SRSF1: variants seen among roughly 807,000 people sequenced by gnomAD.
SRSF1 encodes serine and arginine rich splicing factor 1.
A neutral mutation model predicts 25.9 loss-of-function variants in SRSF1; 1 was observed. That is an observed-to-expected ratio of 0.04 (90% confidence interval 0.01 to 0.18). SRSF1 has a LOEUF of 0.18. Among genes scored for constraint, SRSF1 ranks in the 10% least tolerant of loss-of-function variants. The probability of loss-of-function intolerance (pLI) is 1.00; values close to 1 mark genes in which losing one functional copy is unlikely to be tolerated. For synonymous variants in SRSF1, 132 were observed against 126.2 expected (o/e 1.05, Z -0.31); for missense variants, 65 against 350.5 (o/e 0.19, Z 6.50).
chr17:58,004,784 C>T lies in SRSF1; in HGVS notation c.*622G>A. ...AATTGCCAAGGTTTAAAAAGCAAAG[C>T]AATTGTAGCTAAAGACAACTGAATA... On this transcript the variant is annotated 3_prime_UTR_variant, in exon 4 of 4. Coordinates refer to ENST00000258962, the MANE Select transcript of SRSF1 (RefSeq NM_006924.5). 2.5e-6 allele frequency: 1 copy of T among 393,730 alleles called. No individual in the cohort carries two copies. The highest frequency in any genetic ancestry group is 4.5e-6 in the Non-Finnish European group (1 of 223,280). 24.4% of individuals were successfully genotyped at this position (393,730 alleles called of 1,614,324 possible).
Position 58,005,075 on chromosome 17 carries a change from T to TA in SRSF1, c.*330dup, listed in dbSNP as rs2075417647. 2.2e-6 allele frequency: 1 copy of TA among 455,730 alleles called. No homozygotes were observed. The highest frequency in any genetic ancestry group is 3.8e-5 in the Admixed American group (1 of 26,362). 28.2% of individuals were successfully genotyped at this position (455,730 alleles called of 1,614,324 possible). A position where few individuals can be genotyped will look rare whatever the true frequency, so the allele number is the denominator to read the frequency against. On this transcript the variant is annotated 3_prime_UTR_variant, in exon 4 of 4. Transcript: ENST00000258962. The surrounding 1 kb of genome is among the most constrained non-coding windows in gnomAD (Gnocchi z 5.2). ...AGACACATGAAAAGCAAGATAAACA[T>TA]AAGAACTTCCCCAGGTAAGATAACC...
chr17:58,002,527 T>C lies in SRSF1; in HGVS notation c.*2879A>G, dbSNP rs1359069560. 6.6e-6 allele frequency among the ~76,000 whole-genome samples: 1 copy of C among 152,206 alleles called. No homozygotes were observed. The highest frequency in any genetic ancestry group is 1.5e-5 in the Non-Finnish European group (1 of 68,030). On this transcript the variant is annotated 3_prime_UTR_variant, in exon 4 of 4. Transcript: ENST00000258962. Reference sequence around the variant, plus strand: ...GCTGTCAGTAGACAAATACAAGAAGTAGCAGGCTAAAAGTTTTTAACTGCT... The same window carrying C: ...GCTGTCAGTAGACAAATACAAGAAGCAGCAGGCTAAAAGTTTTTAACTGCT...
At chr17:58,006,804 C>T in intron 1 of SRSF1, 140 bp downstream of exon 1, 1 of 1,093,250 alleles carries the variant, frequency 9.1e-7, no homozygotes, top group Non-Finnish European at 1.3e-6. Context: ...GCTCCTTACT[C>T]GACTCCTGCA....
downstream of SRSF1, among the ~76,000 whole-genome samples, chr17:58,000,144 G>C (rs2075380739): frequency 6.6e-6 from 1 of 152,110 alleles, no homozygotes; most frequent in African/African-American, 2.4e-5. Context: ...GAAGCACGGA[G>C]TGATTTTTAT....
downstream of SRSF1, among the ~76,000 whole-genome samples, chr17:57,996,616 A>G (rs1023653493): frequency 6.6e-6 from 1 of 152,038 alleles, no homozygotes; most frequent in Non-Finnish European, 1.5e-5. Context: ...TTTTTAAAAC[A>G]TGAAGAAAAG....
At chr17:57,997,003 C>A (rs912437349), downstream of SRSF1, among the ~76,000 whole-genome samples, 1 of 152,244 alleles carries the variant, frequency 6.6e-6, no homozygotes, top group East Asian at 1.9e-4. Flanking sequence ...CTCATTGAGG[C>A]AATACCACTA....
chr17:57,995,879 A>C, the SRSF1 span, among the ~76,000 whole-genome samples: 2 of 152,332 alleles, frequency 1.3e-5, no homozygotes, highest in East Asian at 3.9e-4. Context: ...GCAGTGGCTC[A>C]TATCTGTAAT....
intron 1 of SRSF1, 89 bp downstream of exon 1, chr17:58,006,855 G>A (rs1567749373): frequency 1.0e-5 from 15 of 1,473,268 alleles, no homozygotes; most frequent in South Asian, 1.2e-5. Flanking sequence ...AAGAGCCCCC[G>A]CTTCCCCGTT....
At chr17:57,989,860 A>G in the SRSF1 span, 1 of 397,742 alleles carries the variant, frequency 2.5e-6, no homozygotes, top group Admixed American at 4.4e-5. Flanking sequence ...CTAAATTGCT[A>G]TGGTCACCCC....
rs1230231538 is a variant in SRSF1, at chr17:58,004,940, A to C, written c.*466T>G. The C allele has an allele frequency of 9.9e-6, 4 of 404,914 alleles. No individual in the cohort carries two copies. In the East Asian group the frequency reaches 1.4e-4, roughly 14 times the overall value. 25.1% of individuals were successfully genotyped at this position (404,914 alleles called of 1,614,324 possible). The stretch of plus-strand genomic sequence containing the variant: ...AGTCATACCATTGCCTCCATTATTG[A>C]TCTGATCCTCCTCAATCCTCCTTTT... On this transcript the variant is annotated 3_prime_UTR_variant, in exon 4 of 4. Coordinates refer to ENST00000258962, the MANE Select transcript of SRSF1 (RefSeq NM_006924.5).
rs2075389488 is a variant in SRSF1 at position 58,001,430 on chromosome 17, T to G, written c.*3976A>C. On this transcript the variant is annotated 3_prime_UTR_variant, in exon 4 of 4. Transcript: ENST00000258962. ...ATTTTAAAAAACATTAAACTTAGCT[T>G]AGTTTTAAAAACAAAATTCAGACCC... Among the ~76,000 whole-genome samples, 1 of 152,188 alleles carries G rather than the reference T, an allele frequency of 6.6e-6. No homozygotes were observed.
chr17:57,994,138 A>G, the SRSF1 span: 1 of 152,258 alleles, frequency 6.6e-6, no homozygotes, highest in Non-Finnish European at 1.5e-5. Flanking sequence ...ATATGAAAAG[A>G]TATTTTCAGG....
chr17:58,005,157 A>G lies in SRSF1; in HGVS notation c.*249T>C, dbSNP rs2075418222. On this transcript the variant is annotated 3_prime_UTR_variant, in exon 4 of 4. Transcript: ENST00000258962. The surrounding 1 kb of genome is among the most constrained non-coding windows in gnomAD (Gnocchi z 5.2). Reference sequence around the variant, plus strand: ...ACCAGGGCAGATAGACATTTACACAATATCACAGTCTGAAGAGTATGGAGT... The same window carrying G: ...ACCAGGGCAGATAGACATTTACACAGTATCACAGTCTGAAGAGTATGGAGT... 3.6e-6 allele frequency: 2 copies of G among 555,174 alleles called. No homozygotes were observed. Among genetic ancestry groups the G allele is most frequent in the East Asian group, 2.9e-5 (1 of 34,910 alleles). The allele number at this position is 555,174 out of a possible 1,614,324, so 34.4% of individuals were successfully genotyped here.
In SRSF1 at chr17:58,001,102, A is replaced by G. The variant is rs966044505; in HGVS notation, c.*4304T>C. ...CAGTCTAACAGTTTCTCATCTTTTAATACTATTTATGGTAAATACATATAT... is the reference window on the plus strand; with the variant it reads ...CAGTCTAACAGTTTCTCATCTTTTAGTACTATTTATGGTAAATACATATAT... On this transcript the variant is annotated 3_prime_UTR_variant, in exon 4 of 4. Coordinates refer to ENST00000258962, the MANE Select transcript of SRSF1 (RefSeq NM_006924.5). 6.6e-6 allele frequency among the ~76,000 whole-genome samples: 1 copy of G among 152,204 alleles called. No homozygotes were observed. The highest frequency in any genetic ancestry group is 6.5e-5 in the Admixed American group (1 of 15,276).
At chr17:57,996,483 T>TTAAAAAAAAAAAA (rs538866531), downstream of SRSF1, among the ~76,000 whole-genome samples, 5 of 72,376 alleles carry the variant, frequency 6.9e-5, 1 homozygote, top group African/African-American at 1.1e-4. Context: ...GACACTGTCT[T>TTAAAAAAAAAAAA]AAAAAAAAAA....
At chr17:57,990,703 G>A in the SRSF1 span, 2 of 152,192 alleles carry the variant, frequency 1.3e-5, no homozygotes, top group South Asian at 2.1e-4. Context: ...CTAGATTATT[G>A]TAAACAATTT....
the SRSF1 span, chr17:57,993,368 C>T: frequency 6.8e-6 from 1 of 146,626 alleles, no homozygotes; most frequent in Non-Finnish European, 1.5e-5. Context: ...CCAGCCTGGG[C>T]AACAAACCGA....
the SRSF1 span, chr17:57,989,557 A>G: frequency 5.0e-6 from 2 of 397,838 alleles, no homozygotes; most frequent in Non-Finnish European, 8.8e-6. Context: ...ACTGTAATAG[A>G]AAACCAAGGA....
chr17:58,005,785 T>C lies in SRSF1; in HGVS notation c.552+16A>G, dbSNP rs2075422958. Reference sequence around the variant, plus strand: ...ATCCAATTCTGGTCAAAGAAAAGAATACGTGTATAACCTACCTCATGAGAT... The same window carrying C: ...ATCCAATTCTGGTCAAAGAAAAGAACACGTGTATAACCTACCTCATGAGAT... On this transcript the variant is annotated intron_variant, in intron 3 of 3. Transcript: ENST00000258962. This position sits in a 1 kb window ranked among gnomAD's most constrained non-coding sequence, Gnocchi z 5.2. The C allele has an allele frequency of 1.2e-6, 2 of 1,614,188 alleles. No individual in the cohort carries two copies. Among genetic ancestry groups the C allele is most frequent in the Non-Finnish European group, 1.7e-6 (2 of 1,180,036 alleles).
Sources: gnomAD v4.1 joint callset for allele counts (sites outside exome capture counted in the v4.1 genomes callset) on GRCh38, gnomAD v4.1.1 for gene constraint, Gnocchi (gnomAD v3.1) non-coding constraint, MANE v1.5 for transcripts, NCBI Gene and HGNC (gene_info 2026-07-23, HGNC 2026-07-21) for gene names.